The following CAP2 variants were observed in gnomAD, a reference collection of about 807,000 sequenced individuals.
CAP2 encodes the protein adenylyl cyclase-associated protein 2.
CAP2 carries 24 observed loss-of-function variants against 57.7 expected under a neutral mutation model. That is an observed-to-expected ratio of 0.42 (90% CI 0.30 to 0.58). The LOEUF (loss-of-function observed/expected upper bound fraction) is 0.58. CAP2 is among the 20% of genes least tolerant of loss of function. The pLI is 0.22. For synonymous variants in CAP2, 194 were observed against 207.2 expected, an observed-to-expected ratio of 0.94 and a Z score of 0.55; for missense variants, 501 against 590.3, an observed-to-expected ratio of 0.85 and a Z score of 1.57.
At chr6:17,437,125 T>C (rs959773121) in intron 3 of CAP2, among the ~76,000 whole-genome samples, 1 of 152,140 alleles carries the variant, frequency 6.6e-6, no homozygotes, top group African/African-American at 2.4e-5. Context: ...CATTATATAT[T>C]ACAATATAAT....
intron 3 of CAP2, among the ~76,000 whole-genome samples, chr6:17,461,725 G>A (rs1760724493): frequency 6.6e-6 from 1 of 151,186 alleles, no homozygotes. Context: ...AGGCGTGGTG[G>A]CTCACACCTG....
chr6:17,484,033 G>C (rs1761360760), intron 4 of CAP2, among the ~76,000 whole-genome samples: 1 of 151,888 alleles, frequency 6.6e-6, no homozygotes, highest in South Asian at 2.1e-4. Context: ...ACACTCCCAA[G>C]CTTATGTCCT....
chr6:17,488,684 G>A (rs1232771805), intron 4 of CAP2, among the ~76,000 whole-genome samples: 1 of 152,176 alleles, frequency 6.6e-6, no homozygotes, highest in Non-Finnish European at 1.5e-5. Context: ...GTCACTAAGA[G>A]AATTAGCATC....
chr6:17,436,067 A>ATCTTTCTTTCTTTCTTTCTT (rs1345218299), intron 3 of CAP2, among the ~76,000 whole-genome samples: 2 of 143,958 alleles, frequency 1.4e-5, no homozygotes, highest in African/African-American at 5.3e-5. Flanking sequence ...AAACTAAGGA[A>ATCTTTCTTTCTTTCTTTCTT]TCTTTCTTTC....
intron 7 of CAP2, among the ~76,000 whole-genome samples, chr6:17,532,264 C>A (rs902532016): frequency 2.0e-5 from 3 of 150,762 alleles, no homozygotes; most frequent in Non-Finnish European, 4.4e-5. Flanking sequence ...CCTCAGCCTC[C>A]TGAGTAGCTG....
chr6:17,507,219 C>T lies in CAP2; in HGVS notation c.351C>T (p.Ile117=). ...CCATATCGGAAAAGATTCAGGAAAT[C>T]CAAACTTTCAGAGAGAGAAACCGGG... ...LKPISEKIQE[I]QTFRERNRGS... is the part of the protein sequence containing the mutation. The change falls in exon 5 of 13, where the codon ATC becomes ATT. Residue 117 remains isoleucine, a synonymous_variant. Transcript: ENST00000229922. 1 of 1,614,144 alleles carries T rather than the reference C, an allele frequency of 6.2e-7. No homozygotes were observed. The highest frequency in any genetic ancestry group is 1.3e-5 in the African/African-American group (1 of 75,048).
chr6:17,531,822 G>C (rs1396526447), intron 7 of CAP2, among the ~76,000 whole-genome samples: 1 of 152,124 alleles, frequency 6.6e-6, no homozygotes, highest in African/African-American at 2.4e-5. Flanking sequence ...GTCCTGAGGA[G>C]AGCTGGTCAC....
rs558055109 is a variant in CAP2, at chr6:17,443,945, G to A, written c.222+17255G>A. On this transcript the variant is annotated intron_variant, in intron 3 of 12. Transcript: ENST00000229922. ...TAAGATGTTTTAGTGATGTAAAAGAGAACTCACATGTGTTTGCAATACAAA... is the reference window on the plus strand; with the variant it reads ...TAAGATGTTTTAGTGATGTAAAAGAAAACTCACATGTGTTTGCAATACAAA... Among the ~76,000 whole-genome samples, 414 of 152,218 alleles carry A rather than the reference G, an allele frequency of 2.7e-3. 3 individuals are homozygous for A. Among genetic ancestry groups the A allele is most frequent in the African/African-American group, 8.6e-3 (357 of 41,540 alleles).
intron 4 of CAP2, among the ~76,000 whole-genome samples, chr6:17,482,708 CTG>C (rs1761322763): frequency 6.6e-6 from 1 of 152,152 alleles, no homozygotes; most frequent in South Asian, 2.1e-4. Context: ...GTGTCTGTCT[CTG>C]TGTCTACATT....
At chr6:17,468,410 T>C (rs551688247) in intron 4 of CAP2, among the ~76,000 whole-genome samples, 1 of 152,354 alleles carries the variant, frequency 6.6e-6, no homozygotes, top group African/African-American at 2.4e-5. Context: ...ACAGTATTCT[T>C]ACCATGTGCG....
intron 3 of CAP2, among the ~76,000 whole-genome samples, chr6:17,459,792 G>A (rs1200601612): frequency 6.6e-6 from 1 of 152,002 alleles, no homozygotes; most frequent in East Asian, 1.9e-4. Flanking sequence ...AATAGAAAAA[G>A]TATTCTTATA....
At chr6:17,456,862 T>C (rs1394996108) in intron 3 of CAP2, among the ~76,000 whole-genome samples, 1 of 152,100 alleles carries the variant, frequency 6.6e-6, no homozygotes, top group Non-Finnish European at 1.5e-5. Flanking sequence ...ACATGGGACT[T>C]TGCAGCCTGT....
At chr6:17,436,197 C>A (rs373861600) in intron 3 of CAP2, among the ~76,000 whole-genome samples, 7 of 151,942 alleles carry the variant, frequency 4.6e-5, no homozygotes, top group Non-Finnish European at 8.8e-5. Flanking sequence ...CGATTTCGGT[C>A]ACTGCAACCT....
At chr6:17,449,110 C>A (rs956867342) in intron 3 of CAP2, among the ~76,000 whole-genome samples, 1 of 152,044 alleles carries the variant, frequency 6.6e-6, no homozygotes, top group Non-Finnish European at 1.5e-5. Flanking sequence ...CGTGTTACAC[C>A]GTAATTGATT....
chr6:17,410,328 C>G (rs1471685397), intron 1 of CAP2, among the ~76,000 whole-genome samples: 2 of 152,184 alleles, frequency 1.3e-5, no homozygotes, highest in Non-Finnish European at 2.9e-5. Context: ...CCCAGAACTA[C>G]TGCATCAGTA....
chr6:17,540,264 C>G (rs1439464339), intron 8 of CAP2, among the ~76,000 whole-genome samples: 1 of 152,104 alleles, frequency 6.6e-6, no homozygotes, highest in Non-Finnish European at 1.5e-5. Context: ...GGAATGGATT[C>G]GTAAAGTCAA....
intron 11 of CAP2, among the ~76,000 whole-genome samples, chr6:17,551,115 C>A (rs976551914): frequency 6.6e-6 from 1 of 152,168 alleles, no homozygotes; most frequent in Non-Finnish European, 1.5e-5. Context: ...CATCTTGTTT[C>A]TTTTATCATG....
At chr6:17,418,525 C>T (rs1759347122) in intron 1 of CAP2, among the ~76,000 whole-genome samples, 1 of 152,126 alleles carries the variant, frequency 6.6e-6, no homozygotes, top group Admixed American at 6.5e-5. Flanking sequence ...TGGGTCTTGT[C>T]AGGGAGTCTG....
At chr6:17,425,644 T>C (rs2113537723) in intron 2 of CAP2, among the ~76,000 whole-genome samples, 1 of 152,296 alleles carries the variant, frequency 6.6e-6, no homozygotes, top group Admixed American at 6.5e-5. Context: ...TCTGGCCCTG[T>C]CAGGTGCTGT....
Sources: gnomAD v4.1 joint callset for allele counts (sites outside exome capture counted in the v4.1 genomes callset) on GRCh38, gnomAD v4.1.1 for gene constraint, MANE v1.5 for transcripts, NCBI Gene and HGNC (gene_info 2026-07-23, HGNC 2026-07-21) for gene names.